Variants in SHISA6 observed in about 807,000 individuals in gnomAD.
The protein encoded by SHISA6 is shisa family member 6, also known as protein shisa-6.
Under a neutral mutation model 47.9 loss-of-function variants are expected in SHISA6, and 22 were observed. The ratio of observed to expected loss-of-function variants is 0.46; its 90% CI spans 0.33 to 0.66. The LOEUF (loss-of-function observed/expected upper bound fraction) is 0.66. Among genes scored for constraint, SHISA6 ranks in the 30% least tolerant of loss-of-function variants. The pLI is 0.02. For synonymous variants in SHISA6, 388 were observed against 337.8 expected, an observed-to-expected ratio of 1.15 and a Z score of -1.63; for missense variants, 680 against 764.6, an observed-to-expected ratio of 0.89 and a Z score of 1.30.
intron 3 of SHISA6, among the ~76,000 whole-genome samples, chr17:11,470,284 A>G (rs1252003621): frequency 6.6e-6 from 1 of 152,226 alleles, no homozygotes; most frequent in Non-Finnish European, 1.5e-5. Context: ...CTGTTCACAC[A>G]GCTGGACCAA....
chr17:11,515,355 A>G (rs1403257989), intron 3 of SHISA6, among the ~76,000 whole-genome samples: 1 of 148,570 alleles, frequency 6.7e-6, no homozygotes, highest in Non-Finnish European at 1.5e-5. Flanking sequence ...GAAGGAAGGA[A>G]GGAAGGAAGG....
intron 3 of SHISA6, among the ~76,000 whole-genome samples, chr17:11,423,273 AGTAACATATATATATGCCT>A (rs1390016150): frequency 8.1e-5 from 12 of 147,558 alleles, no homozygotes; most frequent in African/African-American, 3.0e-4. Context: ...TATATATGGC[AGTAACATATATATATGCCT>A]GTAACATATA....
At chr17:11,429,852 T>A (rs2969209) in intron 3 of SHISA6, among the ~76,000 whole-genome samples, 25,351 of 147,976 alleles carry the variant, frequency 0.17, 2,336 homozygotes, top group African/African-American at 0.24. Flanking sequence ...ATATCCCTCA[T>A]AGGAATTGAA....
At chr17:11,377,842 C>G (rs567107754) in intron 2 of SHISA6, among the ~76,000 whole-genome samples, 29 of 152,282 alleles carry the variant, frequency 1.9e-4, no homozygotes, top group Non-Finnish European at 3.5e-4. Context: ...AGCCCGGACC[C>G]CACTCAATTG....
At chr17:11,358,122 A>G (rs1311549443) in intron 2 of SHISA6, among the ~76,000 whole-genome samples, 5 of 152,172 alleles carry the variant, frequency 3.3e-5, no homozygotes, top group Non-Finnish European at 7.3e-5. Context: ...ACTGTTGTGC[A>G]AACAATCTCC....
chr17:11,257,840 C>T (rs1297501480), intron 1 of SHISA6, among the ~76,000 whole-genome samples: 1 of 151,882 alleles, frequency 6.6e-6, no homozygotes, highest in Non-Finnish European at 1.5e-5. Flanking sequence ...CAGAGACTTA[C>T]CTAAAGGAAA....
At chr17:11,404,368 G>C (rs974547779) in intron 3 of SHISA6, among the ~76,000 whole-genome samples, 1 of 152,178 alleles carries the variant, frequency 6.6e-6, no homozygotes, top group Non-Finnish European at 1.5e-5. Context: ...TGGAGTGAGG[G>C]GGGAGACAGT....
chr17:11,411,221 G>A (rs1914106617), intron 3 of SHISA6, among the ~76,000 whole-genome samples: 1 of 152,066 alleles, frequency 6.6e-6, no homozygotes, highest in African/African-American at 2.4e-5. Flanking sequence ...GCCCACCTCG[G>A]CCTCCCAAAG....
chr17:11,278,410 C>G (rs1909001227), intron 2 of SHISA6, among the ~76,000 whole-genome samples: 1 of 152,242 alleles, frequency 6.6e-6, no homozygotes, highest in Admixed American at 6.5e-5. Flanking sequence ...CCTGCACTCT[C>G]AGGAGCTCTG....
intron 2 of SHISA6, among the ~76,000 whole-genome samples, chr17:11,316,229 G>T (rs538078827): frequency 1.3e-5 from 2 of 150,830 alleles, no homozygotes; most frequent in African/African-American, 4.9e-5. Flanking sequence ...TTCTGATGTT[G>T]TGTGGGCTCA....
At chr17:11,534,829 C>T (rs1348831407) in intron 3 of SHISA6, among the ~76,000 whole-genome samples, 1 of 151,970 alleles carries the variant, frequency 6.6e-6, no homozygotes, top group Non-Finnish European at 1.5e-5. Flanking sequence ...TGTGCTGAGA[C>T]TATTCTAGGA....
intron 3 of SHISA6, among the ~76,000 whole-genome samples, chr17:11,550,769 G>A (rs1233422354): frequency 2.6e-5 from 4 of 152,216 alleles, no homozygotes; most frequent in Non-Finnish European, 4.4e-5. Context: ...TGGACCTTGA[G>A]CTAGAGTTGT....
chr17:11,429,683 C>G (rs1300579738), intron 3 of SHISA6, among the ~76,000 whole-genome samples: 2 of 150,616 alleles, frequency 1.3e-5, no homozygotes, highest in Non-Finnish European at 2.9e-5. Flanking sequence ...CCCACCTACT[C>G]AGGAGGCTGA....
rs544243239 is a variant in SHISA6 at position 11,356,552 on chromosome 17, C to T, written c.800-22862C>T. Among the ~76,000 whole-genome samples the T allele has an allele frequency of 6.6e-5, 10 of 152,278 alleles. No homozygotes were observed. The South Asian group carries it at 1.7e-3, about 25-fold the overall frequency. ...CTAAATGAGCCCAAGAACTGGGAAG[C>T]CTCCTCCCTTGACTGACAGCTGTGG... On this transcript the variant is annotated intron_variant, in intron 2 of 5. Transcript: ENST00000441885.
chr17:11,468,955 G>T (rs1915871892), intron 3 of SHISA6, among the ~76,000 whole-genome samples: 1 of 143,346 alleles, frequency 7.0e-6, no homozygotes. Context: ...GGTAGAGGTT[G>T]CAGTGAGCCG....
At chr17:11,400,853 T>C (rs911683855) in intron 3 of SHISA6, among the ~76,000 whole-genome samples, 6 of 152,230 alleles carry the variant, frequency 3.9e-5, no homozygotes, top group African/African-American at 7.2e-5. Flanking sequence ...GACTTTTCAC[T>C]CACTTACTTT....
intron 2 of SHISA6, among the ~76,000 whole-genome samples, chr17:11,265,867 C>G (rs1908406413): frequency 6.6e-6 from 1 of 152,132 alleles, no homozygotes; most frequent in Non-Finnish European, 1.5e-5. Flanking sequence ...TTCTGTATAC[C>G]TCGTCTCTTC....
chr17:11,351,910 G>A (rs1366910729), intron 2 of SHISA6, among the ~76,000 whole-genome samples: 1 of 152,226 alleles, frequency 6.6e-6, no homozygotes, highest in Non-Finnish European at 1.5e-5. Flanking sequence ...GTATGGTGGT[G>A]CTATTGGGAT....
intron 3 of SHISA6, among the ~76,000 whole-genome samples, chr17:11,505,119 CT>C (rs771287731): frequency 2.0e-5 from 3 of 152,174 alleles, no homozygotes; most frequent in African/African-American, 7.2e-5. Context: ...CAGATACTGT[CT>C]TTTTATTTTG....
Sources: gnomAD v4.1 joint callset for allele counts (sites outside exome capture counted in the v4.1 genomes callset) on GRCh38, gnomAD v4.1.1 for gene constraint, MANE v1.5 for transcripts, NCBI Gene and HGNC (gene_info 2026-07-23, HGNC 2026-07-21) for gene names.